Variants in RNF11 observed in about 807,000 individuals in gnomAD.
RNF11 encodes ring finger protein 11.
In RNF11, 4 loss-of-function variants were observed where a neutral mutation model predicts 15.8. The observed-to-expected ratio is 0.25, with a 90% CI of 0.12 to 0.58. The LOEUF is 0.58. Among genes scored for constraint, RNF11 ranks in the 20% least tolerant of loss-of-function variants. The probability of loss-of-function intolerance (pLI) is 0.91; values close to 1 mark genes in which losing one functional copy is unlikely to be tolerated. For missense variants in RNF11, 139 were observed against 194.4 expected, an observed-to-expected ratio of 0.71 and a Z score of 1.70; for synonymous variants, 68 against 72.3, an observed-to-expected ratio of 0.94 and a Z score of 0.30.
At chr1:51,243,418 A>T (rs1646838982) in intron 1 of RNF11, among the ~76,000 whole-genome samples, 2 of 151,882 alleles carry the variant, frequency 1.3e-5, no homozygotes, top group African/African-American at 4.8e-5. Context: ...TTGCCTCATA[A>T]TCCTTAATGA....
chr1:51,270,712 G>A (rs1229732644), intron 2 of RNF11, among the ~76,000 whole-genome samples: 1 of 152,194 alleles, frequency 6.6e-6, no homozygotes, highest in Non-Finnish European at 1.5e-5. Context: ...AAACAAAGTT[G>A]CCCGAAGTTA....
At chr1:51,256,234 C>T (rs1045334327) in intron 1 of RNF11, among the ~76,000 whole-genome samples, 4 of 152,182 alleles carry the variant, frequency 2.6e-5, no homozygotes, top group African/African-American at 7.2e-5. Context: ...CATCCCTCCC[C>T]CCAACACCTG....
chr1:51,242,547 C>G (rs1431443085), intron 1 of RNF11, among the ~76,000 whole-genome samples: 1 of 152,152 alleles, frequency 6.6e-6, no homozygotes, highest in African/African-American at 2.4e-5. Context: ...CTGTAGAATG[C>G]ACTAAAAATA....
intron 1 of RNF11, chr1:51,250,708 C>T: frequency 8.9e-6 from 11 of 1,240,452 alleles, no homozygotes; most frequent in East Asian, 2.3e-5. Context: ...AATACAGTCT[C>T]CTTCCAGAGG....
rs371151094 is a variant in RNF11, at chr1:51,245,516, G to A, written c.123+8637G>A. On this transcript the variant is annotated intron_variant, in intron 1 of 2. Transcript: ENST00000242719. ...GCCCAGGCTGGAGTGCAGTGGTGCA[G>A]TCTCAGCCCACTGCAACTTCTGCCA... 3.3e-5 allele frequency among the ~76,000 whole-genome samples: 5 copies of A among 151,788 alleles called. No individual in the cohort carries two copies. The East Asian group carries it at 9.7e-4, about 30-fold the overall frequency.
intron 1 of RNF11, among the ~76,000 whole-genome samples, chr1:51,251,988 A>G (rs989124110): frequency 6.7e-6 from 1 of 149,574 alleles, no homozygotes; most frequent in Non-Finnish European, 1.5e-5. Flanking sequence ...CTGAGGCAAG[A>G]GAATTGCTTG....
chr1:51,270,188 C>A, intron 2 of RNF11, 63 bp downstream of exon 2: 2 of 1,284,236 alleles, frequency 1.6e-6, no homozygotes, highest in Non-Finnish European at 2.2e-6. Flanking sequence ...GAAAAATTTG[C>A]CTTTTCTCCT....
intron 1 of RNF11, among the ~76,000 whole-genome samples, chr1:51,268,784 A>G (rs1164975796): frequency 6.6e-6 from 1 of 152,244 alleles, no homozygotes; most frequent in African/African-American, 2.4e-5. Flanking sequence ...TGAAGAACTC[A>G]GAGCTGGCAG....
At chr1:51,252,081 CA>C (rs928146865) in intron 1 of RNF11, among the ~76,000 whole-genome samples, 1,442 of 53,646 alleles carry the variant, frequency 0.027, 7 homozygotes, top group African/African-American at 0.086. Context: ...CATCTCAAAG[CA>C]AAAAAAAAAA....
At chr1:51,268,473 C>A (rs1646964640) in intron 1 of RNF11, among the ~76,000 whole-genome samples, 2 of 152,122 alleles carry the variant, frequency 1.3e-5, no homozygotes, top group African/African-American at 4.8e-5. Flanking sequence ...ATTAATGTTT[C>A]CCCGTAAAGT....
chr1:51,253,101 A>G (rs929362373), intron 1 of RNF11, among the ~76,000 whole-genome samples: 1 of 152,066 alleles, frequency 6.6e-6, no homozygotes, highest in Non-Finnish European at 1.5e-5. Flanking sequence ...CTGGGTTTAC[A>G]GATGCGATCC....
At chr1:51,238,335 T>G (rs919067446) in intron 1 of RNF11, among the ~76,000 whole-genome samples, 6 of 152,204 alleles carry the variant, frequency 3.9e-5, no homozygotes, top group African/African-American at 7.2e-5. Context: ...GATGTGTGTC[T>G]CATCCTTGTA....
intron 1 of RNF11, 82 bp downstream of exon 1, chr1:51,236,961 C>G (rs1278878082): frequency 2.0e-6 from 3 of 1,502,284 alleles, no homozygotes; most frequent in Non-Finnish European, 2.7e-6. Context: ...GTCTCTGCCC[C>G]TGGCTTCGGC....
At chr1:51,246,264 T>A (rs1646851221) in intron 1 of RNF11, among the ~76,000 whole-genome samples, 1 of 151,524 alleles carries the variant, frequency 6.6e-6, no homozygotes, top group Admixed American at 6.6e-5. Context: ...AAACTCCATC[T>A]CAACAACAAC....
chr1:51,268,411 T>A (rs1646964414), intron 1 of RNF11, among the ~76,000 whole-genome samples: 1 of 152,184 alleles, frequency 6.6e-6, no homozygotes, highest in Non-Finnish European at 1.5e-5. Context: ...AAGGAGAAAA[T>A]ACACTCATAA....
At chr1:51,239,401 T>C (rs1646819078) in intron 1 of RNF11, among the ~76,000 whole-genome samples, 1 of 152,154 alleles carries the variant, frequency 6.6e-6, no homozygotes, top group Non-Finnish European at 1.5e-5. Context: ...TGACGCAGAC[T>C]AATATACAAA....
At chr1:51,268,521 A>G (rs564726384) in intron 1 of RNF11, among the ~76,000 whole-genome samples, 3 of 152,356 alleles carry the variant, frequency 2.0e-5, no homozygotes, top group Non-Finnish European at 2.9e-5. Context: ...TGTGTTCTCT[A>G]CACGTATGTG....
At chr1:51,237,346 G>A (rs1646808670) in intron 1 of RNF11, among the ~76,000 whole-genome samples, 1 of 150,802 alleles carries the variant, frequency 6.6e-6, no homozygotes, top group Non-Finnish European at 1.5e-5. Context: ...GGATCTGGCA[G>A]GTTTTCCCTC....
intron 1 of RNF11, among the ~76,000 whole-genome samples, chr1:51,257,751 C>A (rs1467295120): frequency 6.6e-6 from 1 of 151,808 alleles, no homozygotes; most frequent in Non-Finnish European, 1.5e-5. Flanking sequence ...AGCTACTGTG[C>A]CCAGCCTTGA....
Sources: gnomAD v4.1 joint callset for allele counts (sites outside exome capture counted in the v4.1 genomes callset) on GRCh38, gnomAD v4.1.1 for gene constraint, MANE v1.5 for transcripts, NCBI Gene and HGNC (gene_info 2026-07-23, HGNC 2026-07-21) for gene names.